CAD: variants seen among roughly 807,000 people sequenced by gnomAD.
The protein encoded by CAD is carbamoyl-phosphate synthetase 2, aspartate transcarbamylase, and dihydroorotase.
CAD carries 81 observed loss-of-function variants against 237.2 expected under a neutral mutation model. That is an observed-to-expected ratio of 0.34 (90% CI 0.29 to 0.41). The LOEUF (loss-of-function observed/expected upper bound fraction) is 0.41, where lower values mean the gene tolerates loss of function less well. CAD is among the 10% of genes least tolerant of loss of function. The probability of loss-of-function intolerance (pLI) is 1.00; values close to 1 mark genes in which losing one functional copy is unlikely to be tolerated. For missense variants in CAD, 2,181 were observed against 2,951.7 expected (o/e 0.74, Z 6.05); for synonymous variants, 1,196 against 1,162.8 (o/e 1.03, Z -0.58).
chr2:27,223,108 G>C (rs1435978849), intron 6 of CAD, 71 bp downstream of exon 6: 1 of 1,498,714 alleles, frequency 6.7e-7, no homozygotes. Flanking sequence ...GGAATGAGAA[G>C]AGAGTTGGTG....
chr2:27,236,805 C>T lies in CAD; in HGVS notation c.4371C>T (p.Thr1457=), dbSNP rs1382155862. The T allele has an allele frequency of 6.2e-7, 1 of 1,614,012 alleles. No homozygotes were observed. The highest frequency in any genetic ancestry group is 1.7e-5 in the Admixed American group (1 of 60,000). The part of the protein sequence containing the change: ...PPLKVHVDCM[T]SQKLVRLPGL... ...TGAAGGTGCATGTTGACTGTATGAC[C>T]TCCCAAAAGCTTGTGCGACTGCCGG... The change falls in exon 27 of 44, where the codon ACC becomes ACT. Residue 1457 remains threonine, a synonymous_variant. Transcript: ENST00000264705. The surrounding 1 kb of genome is among the most constrained non-coding windows in gnomAD (Gnocchi z 4.1).
At chr2:27,221,810 G>A (rs1402736497) in intron 3 of CAD, among the ~76,000 whole-genome samples, 1 of 123,424 alleles carries the variant, frequency 8.1e-6, no homozygotes, top group Non-Finnish European at 1.6e-5. Context: ...TCTAAACAGG[G>A]TTCACACATT....
rs1486428073 is a variant in CAD, at chr2:27,233,837, G to A, written c.3399+29G>A. 4 of 1,609,468 alleles carry A rather than the reference G, an allele frequency of 2.5e-6. No individual in the cohort carries two copies. Among genetic ancestry groups the A allele is most frequent in the Admixed American group, 1.7e-5 (1 of 59,982 alleles). ...GGAGGCTGCAGACAGTGAAGTCTCTGAGGGCATGCTGCCAGCCCTGGAGGA... is the reference window on the plus strand; with the variant it reads ...GGAGGCTGCAGACAGTGAAGTCTCTAAGGGCATGCTGCCAGCCCTGGAGGA... On this transcript the variant is annotated intron_variant, in intron 21 of 43. Transcript: ENST00000264705. This position sits in a 1 kb window ranked among gnomAD's most constrained non-coding sequence, Gnocchi z 6.3.
In CAD at chr2:27,236,154, C is replaced by CCCTCAGTGCCCACCCTATGGGT. The variant is rs1675991065; in HGVS notation, c.4075-122_4075-101dup. ...CTTTGCCAGTATCAAATAGAGGCAG[C>CCCTCAGTGCCCACCCTATGGGT]CCTCAGTGCCCACCCTATGGGTCCT... On this transcript the variant is annotated intron_variant, in intron 25 of 43. Coordinates refer to ENST00000264705, the MANE Select transcript of CAD (RefSeq NM_004341.5). This position sits in a 1 kb window ranked among gnomAD's most constrained non-coding sequence, Gnocchi z 4.1. 8.5e-7 allele frequency: 1 copy of CCCTCAGTGCCCACCCTATGGGT among 1,179,358 alleles called. No individual in the cohort carries two copies. Among genetic ancestry groups the CCCTCAGTGCCCACCCTATGGGT allele is most frequent in the Non-Finnish European group, 1.2e-6 (1 of 839,664 alleles). 73.1% of individuals were successfully genotyped at this position (1,179,358 alleles called of 1,614,324 possible).
At position 27,236,948 on chromosome 2, in the gene CAD, A is replaced by C; in HGVS notation, c.4396+118A>C. On this transcript the variant is annotated intron_variant, in intron 27 of 43. Transcript: ENST00000264705. The surrounding 1 kb of genome is among the most constrained non-coding windows in gnomAD (Gnocchi z 4.1). Reference sequence around the variant, plus strand: ...TTTGTCCTGGACTGCACAGACTGTGAAGACCCCAGAATGTTTCTCACTCTT... The same window carrying C: ...TTTGTCCTGGACTGCACAGACTGTGCAGACCCCAGAATGTTTCTCACTCTT... 1.2e-6 allele frequency: 1 copy of C among 817,178 alleles called. No individual in the cohort carries two copies. The highest frequency in any genetic ancestry group is 2.1e-6 in the Non-Finnish European group (1 of 465,900). 50.6% of individuals were successfully genotyped at this position (817,178 alleles called of 1,614,324 possible).
intron 6 of CAD, 52 bp from the exon 7 acceptor site, chr2:27,223,511 T>C: frequency 1.3e-6 from 2 of 1,528,176 alleles, no homozygotes; most frequent in Non-Finnish European, 1.8e-6. Context: ...GTAGGTTCAG[T>C]AGTGAAGAGA....
At chr2:27,225,304 T>TTTC (rs1491300703) in intron 11 of CAD, 61 bp downstream of exon 11, 252 of 159,938 alleles carry the variant, frequency 1.6e-3, no homozygotes, top group Non-Finnish European at 2.1e-3. Context: ...TGTTATTTTC[T>TTTC]TTTTTTTTTT....
Position 27,234,013 on chromosome 2 carries a change from T to C in CAD, c.3405T>C (p.Ile1135=), listed in dbSNP as rs1572441820. 1.9e-6 allele frequency: 3 copies of C among 1,613,762 alleles called. No individual in the cohort carries two copies. In the South Asian group the frequency reaches 3.3e-5, roughly 18 times the overall value. The change falls in exon 22 of 44, where the codon ATT becomes ATC. Residue 1135 remains isoleucine, a synonymous_variant. Coordinates refer to ENST00000264705, the MANE Select transcript of CAD (RefSeq NM_004341.5). ...TGTCTGTGTCCCCCCGCTAGGAGAT[T>C]GACGTGGATGCCGTGGCCTCTGATG... The part of the protein sequence containing the change: ...ISKFIQEAKE[I]DVDAVASDGV...
rs200871937 is a variant in CAD, at chr2:27,242,789, A to G, written c.6378+14A>G. 5.7e-4 allele frequency: 922 copies of G among 1,614,178 alleles called. 1 individual carries two copies. Among genetic ancestry groups the G allele is most frequent in the Non-Finnish European group, 6.9e-4 (818 of 1,180,022 alleles). ...GGCACCAAGCAGGTGAGACCCTCAC[A>G]GCCCTGCCTGGAAGCCATGGAGATG... On this transcript the variant is annotated intron_variant, in intron 41 of 43. Transcript: ENST00000264705. The surrounding 1 kb of genome is among the most constrained non-coding windows in gnomAD (Gnocchi z 6.4).
At position 27,239,242 on chromosome 2, in the gene CAD, T is replaced by A; in HGVS notation, c.5253+10T>A. 1 of 1,602,520 alleles carries A rather than the reference T, an allele frequency of 6.2e-7. No individual in the cohort carries two copies. Among genetic ancestry groups the A allele is most frequent in the Non-Finnish European group, 8.5e-7 (1 of 1,171,570 alleles). On this transcript the variant is annotated intron_variant, in intron 32 of 43. Transcript: ENST00000264705. The surrounding 1 kb of genome is among the most constrained non-coding windows in gnomAD (Gnocchi z 4.0). ...GGACACCTATGTGGAGGTGTGGGGA[T>A]GAGGCCCAGAGCAGGAGGGGGGCTC...
Position 27,240,577 on chromosome 2 carries a change from C to T in CAD, c.5593+216C>T. On this transcript the variant is annotated intron_variant, in intron 35 of 43. Coordinates refer to ENST00000264705, the MANE Select transcript of CAD (RefSeq NM_004341.5). This position sits in a 1 kb window ranked among gnomAD's most constrained non-coding sequence, Gnocchi z 4.6. ...TTTTGTTGTGGGCAGCTGTGTTCCT[C>T]CGCCCAGGAGCTGGGATCCCACGGG... 1 of 1,546,376 alleles carries T rather than the reference C, an allele frequency of 6.5e-7. No individual in the cohort carries two copies. The highest frequency in any genetic ancestry group is 2.5e-5 in the East Asian group (1 of 40,734).
At chr2:27,231,444 A>G (rs991677985) in intron 15 of CAD, 24 bp from the exon 16 acceptor site, 2 of 1,385,632 alleles carry the variant, frequency 1.4e-6, no homozygotes, top group Non-Finnish European at 2.1e-6. Context: ...CCACACCTTC[A>G]TTCCTTCCAT....
rs1675914894 is a variant in CAD at position 27,234,641 on chromosome 2, G to A, written c.3742G>A (p.Glu1248Lys). Residue 1248 changes from glutamate to lysine, a missense_variant, in exon 23 of 44, where the codon GAA becomes AAA. Glu to Lys is a moderately conservative substitution (Grantham distance 56). This residue lies in a region of CAD where 306 missense variants were observed against 607.9 expected (regional missense o/e 0.50). Transcript: ENST00000264705. Reference protein sequence around the residue: ...ATRVIMGEEVEPVGLMTGSGV... With the variant: ...ATRVIMGEEVKPVGLMTGSGV... Reference sequence around the variant, plus strand: ...GCGGGTCATCATGGGGGAAGAAGTGGAACCTGTGGGGCTAATGACTGGTTC... The same window carrying A: ...GCGGGTCATCATGGGGGAAGAAGTGAAACCTGTGGGGCTAATGACTGGTTC... 1 of 1,614,032 alleles carries A rather than the reference G, an allele frequency of 6.2e-7. No individual in the cohort carries two copies. The highest frequency in any genetic ancestry group is 8.5e-7 in the Non-Finnish European group (1 of 1,180,012).
rs773521281 is a variant in CAD, at chr2:27,222,220, A to G, written c.379A>G (p.Lys127Glu). The change falls in exon 4 of 44, where the codon AAG becomes GAG. Residue 127 changes from lysine to glutamate, a missense_variant. Coordinates refer to ENST00000264705, the MANE Select transcript of CAD (RefSeq NM_004341.5). ...AGTAGACACTCGGGAGCTGACCAAG[A>G]AGTTGCGGGAACAGGGGTCTCTGCT... The part of the protein sequence containing the change: ...QGVDTRELTK[K>E]LREQGSLLGK... The G allele has an allele frequency of 6.2e-7, 1 of 1,614,000 alleles. No homozygotes were observed. The highest frequency in any genetic ancestry group is 8.5e-7 in the Non-Finnish European group (1 of 1,179,970).
At position 27,240,310 on chromosome 2, in the gene CAD, C is replaced by T. The variant is rs867979177; in HGVS notation, c.5542C>T (p.Arg1848Cys). 8 of 1,614,100 alleles carry T rather than the reference C, an allele frequency of 5.0e-6. No individual in the cohort carries two copies. The highest frequency in any genetic ancestry group is 2.2e-5 in the South Asian group (2 of 91,084). ...RRGIPGLPDG[R>C]FHLPPRIHRA... ...TGGCATCCCAGGGCTTCCTGATGGC[C>T]GCTTCCATCTGCCGCCCCGAATCCA... The change falls in exon 35 of 44, where the codon CGC becomes TGC. Residue 1848 changes from arginine to cysteine, a missense_variant. Coordinates refer to ENST00000264705, the MANE Select transcript of CAD (RefSeq NM_004341.5). This position sits in a 1 kb window ranked among gnomAD's most constrained non-coding sequence, Gnocchi z 4.6.
intron 3 of CAD, 137 bp from the exon 4 acceptor site, chr2:27,222,057 C>G (rs1246215522): frequency 8.8e-6 from 7 of 791,172 alleles, no homozygotes; most frequent in Non-Finnish European, 1.4e-5. Flanking sequence ...ACTTCTGTCA[C>G]AATGGCCCAG....
At position 27,242,921 on chromosome 2, in the gene CAD, A is replaced by G. The variant is rs1676391544; in HGVS notation, c.6428A>G (p.Tyr2143Cys). Residue 2143 changes from tyrosine (Y) to cysteine (C), a missense_variant, in exon 42 of 44, where the codon TAC becomes TGC. Physicochemically the swap from Tyr to Cys is radical, Grantham distance 194. This residue lies in a region of CAD where 170 missense variants were observed against 212.1 expected (regional missense o/e 0.80). Transcript: ENST00000264705. This position sits in a 1 kb window ranked among gnomAD's most constrained non-coding sequence, Gnocchi z 6.4. ...EEALPDTDVL[Y>C]MTRIQKERFG... is the part of the protein sequence containing the mutation. The stretch of plus-strand genomic sequence containing the variant: ...GCGCTGCCTGACACTGATGTGCTCT[A>G]CATGACTCGAATCCAGAAGGAACGA... 1 of 1,612,300 alleles carries G rather than the reference A, an allele frequency of 6.2e-7. No homozygotes were observed. The highest frequency in any genetic ancestry group is 8.5e-7 in the Non-Finnish European group (1 of 1,178,568).
At position 27,240,274 on chromosome 2, in the gene CAD, A is replaced by G. The variant is rs1676247013; in HGVS notation, c.5506A>G (p.Arg1836Gly). ...ATSEMTTTPE[R>G]PRRGIPGLPD... ...AACGTTATCCCTCCAGACACCTGAAAGACCCCGCCGTGGCATCCCAGGGCT... is the reference window on the plus strand; with the variant it reads ...AACGTTATCCCTCCAGACACCTGAAGGACCCCGCCGTGGCATCCCAGGGCT... Residue 1836 changes from arginine to glycine, a missense_variant, in exon 35 of 44, where the codon AGA becomes GGA. Around this residue, in one of 12 missense-constraint regions of CAD, gnomAD observed 478 missense variants for 515.0 expected, o/e 0.93. Transcript: ENST00000264705. The surrounding 1 kb of genome is among the most constrained non-coding windows in gnomAD (Gnocchi z 4.6). The G allele has an allele frequency of 1.2e-6, 2 of 1,613,174 alleles. No individual in the cohort carries two copies. Among genetic ancestry groups the G allele is most frequent in the Non-Finnish European group, 1.7e-6 (2 of 1,179,810 alleles).
chr2:27,242,030 C>T lies in CAD; in HGVS notation c.6003C>T (p.Val2001=). ...GCTTCTCGGAAGCCACATCGTCCGT[C>T]CAGAAGGGCGAATCCCTGGCTGACT... is the stretch of plus-strand genomic sequence containing the variant. ...VLSFSEATSS[V]QKGESLADSV... is the part of the protein sequence containing the mutation. Residue 2001 remains valine, a synonymous_variant, in exon 39 of 44, where the codon GTC becomes GTT. Transcript: ENST00000264705. The surrounding 1 kb of genome is among the most constrained non-coding windows in gnomAD (Gnocchi z 6.4). 1 of 1,613,428 alleles carries T rather than the reference C, an allele frequency of 6.2e-7. No individual in the cohort carries two copies. The highest frequency in any genetic ancestry group is 1.1e-5 in the South Asian group (1 of 91,088).
Sources: gnomAD v4.1 joint callset for allele counts (sites outside exome capture counted in the v4.1 genomes callset) on GRCh38, gnomAD v4.1.1 for gene constraint, gnomAD v4.1.1 regional missense constraint, Gnocchi (gnomAD v3.1) non-coding constraint, MANE v1.5 for transcripts, NCBI Gene and HGNC (gene_info 2026-07-23, HGNC 2026-07-21) for gene names.